The following BCR variants were observed in gnomAD, a reference collection of about 807,000 sequenced individuals.
BCR encodes breakpoint cluster region protein.
In BCR, 58 loss-of-function variants were observed where a neutral mutation model predicts 138.6. That is an observed-to-expected ratio of 0.42 (90% confidence interval 0.34 to 0.52). BCR has a LOEUF of 0.52. Ranked by LOEUF, BCR falls within the 20% of genes least tolerant of loss-of-function variation. BCR has a pLI of 0.06. For missense variants in BCR, 1,599 were observed against 1,727.2 expected, an observed-to-expected ratio of 0.93 and a Z score of 1.32; for synonymous variants, 786 against 730.1, an observed-to-expected ratio of 1.08 and a Z score of -1.23.
chr22:23,260,275 G>T (rs961581872), intron 2 of BCR, among the ~76,000 whole-genome samples: 2 of 152,200 alleles, frequency 1.3e-5, no homozygotes, highest in African/African-American at 4.8e-5. Context: ...GAGAAGGGGG[G>T]ACTTTGTCAT....
Position 23,313,989 on chromosome 22 carries a change from A to G in BCR, c.3479A>G (p.Lys1160Arg), listed in dbSNP as rs2074037158. The change falls in exon 21 of 23, where the codon AAG (lysine) becomes AGG (arginine). Residue 1160 changes from lysine (K) to arginine (R), a missense_variant. Around this residue, in one of 4 missense-constraint regions of BCR, gnomAD observed 177 missense variants for 226.4 expected, o/e 0.78. Transcript: ENST00000305877. ...EGIALSDPVA[K>R]ESCMLNLLLS... is the part of the protein sequence containing the mutation. ...GCAGCTCTTTCAGACCCGGTTGCAA[A>G]GGAGAGCTGCATGCTCAACCTGCTG... is the stretch of plus-strand genomic sequence containing the variant. 6.2e-7 allele frequency: 1 copy of G among 1,613,972 alleles called. No homozygotes were observed. Among genetic ancestry groups the G allele is most frequent in the Non-Finnish European group, 8.5e-7 (1 of 1,179,992 alleles).
chr22:23,263,593 G>C, intron 4 of BCR: 2 of 1,540,814 alleles, frequency 1.3e-6, no homozygotes, highest in African/African-American at 1.4e-5. Context: ...CTGGGAGTCT[G>C]CTGGGCATGA....
intron 1 of BCR, among the ~76,000 whole-genome samples, chr22:23,224,047 A>G (rs1009956403): frequency 6.6e-6 from 1 of 152,036 alleles, no homozygotes; most frequent in African/African-American, 2.4e-5. Flanking sequence ...TCTTTTCCAC[A>G]TGGTCTAAAG....
chr22:23,191,376 A>G (rs1219074262), intron 1 of BCR, among the ~76,000 whole-genome samples: 6 of 152,206 alleles, frequency 3.9e-5, no homozygotes, highest in African/African-American at 1.4e-4. Context: ...TGTGCCTGGC[A>G]CTATCTTCAT....
At chr22:23,220,179 C>T (rs2072806953) in intron 1 of BCR, among the ~76,000 whole-genome samples, 1 of 152,256 alleles carries the variant, frequency 6.6e-6, no homozygotes, top group Non-Finnish European at 1.5e-5. Context: ...TGAACCACTT[C>T]ACCCCTTGCA....
chr22:23,260,933 G>T lies in BCR; in HGVS notation c.1462-17G>T. 6.2e-7 allele frequency: 1 copy of T among 1,611,688 alleles called. No homozygotes were observed. The highest frequency in any genetic ancestry group is 1.3e-5 in the African/African-American group (1 of 74,990). ...CTACCACCCTTCCAGGCTGACTTCT[G>T]TCTATTTCTCCTGCAGAGTGAGCTG... On this transcript the variant is annotated splice_polypyrimidine_tract_variant and intron_variant, in intron 2 of 22. Coordinates refer to ENST00000305877, the MANE Select transcript of BCR (RefSeq NM_004327.4).
chr22:23,185,997 G>C (rs557137395), intron 1 of BCR, among the ~76,000 whole-genome samples: 1 of 76,128 alleles, frequency 1.3e-5, no homozygotes, highest in African/African-American at 5.5e-5. Flanking sequence ...CGAAAGTGCT[G>C]GGATTACAGG....
At chr22:23,274,873 ACTC>A (rs2073554737) in intron 8 of BCR, among the ~76,000 whole-genome samples, 1 of 140,740 alleles carries the variant, frequency 7.1e-6, no homozygotes, top group African/African-American at 2.7e-5. Context: ...TCACCACTGC[ACTC>A]CAGCCTGGGT....
intron 4 of BCR, chr22:23,263,622 T>C: frequency 6.0e-6 from 9 of 1,505,588 alleles, no homozygotes; most frequent in Non-Finnish European, 8.3e-6. Flanking sequence ...TTTGCCACTT[T>C]GTGCTGGCCA....
At chr22:23,217,627 G>C (rs2146227024) in intron 1 of BCR, among the ~76,000 whole-genome samples, 1 of 152,352 alleles carries the variant, frequency 6.6e-6, no homozygotes, top group East Asian at 1.9e-4. Context: ...TGAAGTTAGG[G>C]AAGTGGGTGG....
chr22:23,244,499 T>G (rs1034080502), intron 1 of BCR, among the ~76,000 whole-genome samples: 3 of 152,150 alleles, frequency 2.0e-5, no homozygotes, highest in Non-Finnish European at 2.9e-5. Flanking sequence ...CCTGCTGTCC[T>G]TCCTGGGTCT....
At chr22:23,263,766 G>A (rs960216001) in intron 4 of BCR, 2 of 1,425,642 alleles carry the variant, frequency 1.4e-6, no homozygotes, top group Non-Finnish European at 2.0e-6. Flanking sequence ...TCATATCATT[G>A]TGAGTGGCTC....
intron 8 of BCR, among the ~76,000 whole-genome samples, chr22:23,282,397 T>C (rs1025552230): frequency 6.6e-6 from 1 of 152,198 alleles, no homozygotes; most frequent in East Asian, 1.9e-4. Flanking sequence ...CTTCCACTTA[T>C]GGGCACCAGC....
In BCR at chr22:23,281,271, T is replaced by G. The variant is rs541104549; in HGVS notation, c.2116-2706T>G. Among the ~76,000 whole-genome samples the G allele has an allele frequency of 5.3e-5, 8 of 152,378 alleles. No individual in the cohort carries two copies. In the East Asian group the frequency reaches 1.2e-3, roughly 22 times the overall value. ...GTCCCACAGCTCCAGCTGGGACTGT[T>G]TGCCCTAGTTGAGATGCTGAGCCTT... On this transcript the variant is annotated intron_variant, in intron 8 of 22. Coordinates refer to ENST00000305877, the MANE Select transcript of BCR (RefSeq NM_004327.4).
chr22:23,234,600 A>T (rs1387378252), intron 1 of BCR, among the ~76,000 whole-genome samples: 1 of 152,144 alleles, frequency 6.6e-6, no homozygotes, highest in Non-Finnish European at 1.5e-5. Context: ...CACAGCAGGG[A>T]TGGGGCTATC....
chr22:23,220,050 A>G (rs2072805188), intron 1 of BCR, among the ~76,000 whole-genome samples: 1 of 152,190 alleles, frequency 6.6e-6, no homozygotes, highest in Admixed American at 6.5e-5. Flanking sequence ...GTGGCTGCAC[A>G]GAGGGGAGGG....
chr22:23,242,739 G>A (rs2073107943), intron 1 of BCR: 1 of 387,126 alleles, frequency 2.6e-6, no homozygotes, highest in Non-Finnish European at 5.3e-6. Context: ...TTCAGGCCAT[G>A]TCTTAGTGTC....
At chr22:23,249,101 A>G (rs979624599) in intron 1 of BCR, among the ~76,000 whole-genome samples, 2 of 152,150 alleles carry the variant, frequency 1.3e-5, no homozygotes, top group African/African-American at 4.8e-5. Context: ...CCTGGACAAC[A>G]TAGCAAGACT....
At chr22:23,287,411 A>C in intron 11 of BCR, 133 bp downstream of exon 11, 1 of 1,363,434 alleles carries the variant, frequency 7.3e-7, no homozygotes. Context: ...GCATGCAAGC[A>C]CGCACATTCC....
Sources: gnomAD v4.1 joint callset for allele counts (sites outside exome capture counted in the v4.1 genomes callset) on GRCh38, gnomAD v4.1.1 for gene constraint, gnomAD v4.1.1 regional missense constraint, MANE v1.5 for transcripts, NCBI Gene and HGNC (gene_info 2026-07-23, HGNC 2026-07-21) for gene names.